The following NCAM1 variants were observed in gnomAD, a reference collection of about 807,000 sequenced individuals.
The protein encoded by NCAM1 is antigen recognized by monoclonal antibody 5.1H11.
In NCAM1, 14 loss-of-function variants were observed where a neutral mutation model predicts 109.8. That is an observed-to-expected ratio of 0.13 (90% CI 0.08 to 0.20). The LOEUF (loss-of-function observed/expected upper bound fraction) is 0.20, where lower values mean the gene tolerates loss of function less well. Ranked by LOEUF, NCAM1 falls within the 10% of genes least tolerant of loss-of-function variation. The pLI, the probability that NCAM1 is intolerant of heterozygous loss-of-function variation, is 1.00. For synonymous variants in NCAM1, 418 were observed against 442.9 expected, an observed-to-expected ratio of 0.94 and a Z score of 0.70; for missense variants, 774 against 1,109.9, an observed-to-expected ratio of 0.70 and a Z score of 4.30.
chr11:113,181,622 A>G (rs1555107969), intron 1 of NCAM1, among the ~76,000 whole-genome samples: 1 of 152,130 alleles, frequency 6.6e-6, no homozygotes, highest in African/African-American at 2.4e-5. Flanking sequence ...ACCATGGCGC[A>G]TGTTTACCTA....
intron 1 of NCAM1, among the ~76,000 whole-genome samples, chr11:113,142,261 G>A (rs1941857332): frequency 6.6e-6 from 1 of 152,090 alleles, no homozygotes; most frequent in Non-Finnish European, 1.5e-5. Context: ...GTAAATTTGG[G>A]GGCAGCTGTA....
At chr11:113,240,251 C>T (rs1555118906) in intron 14 of NCAM1, among the ~76,000 whole-genome samples, 1 of 152,208 alleles carries the variant, frequency 6.6e-6, no homozygotes, top group East Asian at 1.9e-4. Context: ...TACACTAGTA[C>T]ACATTAGGTA....
At chr11:113,182,584 C>T (rs1231865416) in intron 1 of NCAM1, among the ~76,000 whole-genome samples, 2 of 152,214 alleles carry the variant, frequency 1.3e-5, no homozygotes, top group Non-Finnish European at 2.9e-5. Context: ...GCTGCCATCT[C>T]TGTTTCACCA....
At chr11:113,009,331 T>TTG (rs1555073944) in intron 1 of NCAM1, among the ~76,000 whole-genome samples, 3,839 of 136,622 alleles carry the variant, frequency 0.028, 456 homozygotes, top group East Asian at 0.13. Flanking sequence ...TTTTTTTTTT[T>TTG]TTTTTTTTTT....
intron 1 of NCAM1, among the ~76,000 whole-genome samples, chr11:112,983,556 A>G (rs1951212222): frequency 6.6e-6 from 1 of 151,902 alleles, no homozygotes; most frequent in African/African-American, 2.4e-5. Flanking sequence ...GCTGGCATCT[A>G]ATGTGGGCTC....
At chr11:113,093,926 G>A (rs12789616) in intron 1 of NCAM1, among the ~76,000 whole-genome samples, 85,494 of 152,016 alleles carry the variant, frequency 0.56, 24,421 homozygotes, top group Admixed American at 0.6. Context: ...GGAAGCTGCA[G>A]TGTGCTGTGC....
intron 1 of NCAM1, among the ~76,000 whole-genome samples, chr11:113,148,675 A>G (rs1942111329): frequency 6.6e-6 from 1 of 152,156 alleles, no homozygotes; most frequent in African/African-American, 2.4e-5. Flanking sequence ...GCATAACTGT[A>G]TGAATGTTTT....
intron 1 of NCAM1, among the ~76,000 whole-genome samples, chr11:113,173,262 T>G (rs1458777862): frequency 6.6e-6 from 1 of 152,138 alleles, no homozygotes; most frequent in African/African-American, 2.4e-5. Flanking sequence ...CTGATTTAAT[T>G]TGAATGAAAT....
chr11:113,127,596 G>A (rs1234431301), intron 1 of NCAM1, among the ~76,000 whole-genome samples: 3 of 152,144 alleles, frequency 2.0e-5, no homozygotes, highest in Admixed American at 2.0e-4. Flanking sequence ...AATTGGTGAT[G>A]GTTAAGTAGT....
intron 1 of NCAM1, among the ~76,000 whole-genome samples, chr11:113,093,773 G>A (rs1402781340): frequency 2.6e-5 from 4 of 152,220 alleles, no homozygotes; most frequent in African/African-American, 9.6e-5. Context: ...CAAGTAAGCA[G>A]ATGGATTGGA....
intron 1 of NCAM1, among the ~76,000 whole-genome samples, chr11:113,192,724 G>T (rs1325357529): frequency 2.6e-5 from 4 of 152,202 alleles, no homozygotes; most frequent in African/African-American, 7.2e-5. Flanking sequence ...TGGGTCAAGT[G>T]TCAGGACAAC....
intron 1 of NCAM1, among the ~76,000 whole-genome samples, chr11:113,075,395 C>A (rs906287733): frequency 6.6e-6 from 1 of 152,116 alleles, no homozygotes; most frequent in Non-Finnish European, 1.5e-5. Flanking sequence ...CTGCTTCCCA[C>A]ACATTTTAGA....
chr11:113,225,185 A>G (rs1555115996), intron 9 of NCAM1, among the ~76,000 whole-genome samples: 5 of 152,202 alleles, frequency 3.3e-5, no homozygotes, highest in African/African-American at 1.2e-4. Flanking sequence ...AAAACCTTGA[A>G]AAAAGATTAG....
At chr11:113,204,736 T>G (rs1944184258) in intron 3 of NCAM1, among the ~76,000 whole-genome samples, 1 of 152,174 alleles carries the variant, frequency 6.6e-6, no homozygotes, top group African/African-American at 2.4e-5. Context: ...AATTACATAG[T>G]TCCCAGAGGG....
chr11:113,263,564 T>C, intron 17 of NCAM1: 1 of 985,682 alleles, frequency 1.0e-6, no homozygotes, highest in Non-Finnish European at 1.2e-6. Context: ...TTCTGGGATG[T>C]GCTTTCAGTC....
At chr11:113,099,525 G>A (rs1019620107) in intron 1 of NCAM1, among the ~76,000 whole-genome samples, 1 of 152,284 alleles carries the variant, frequency 6.6e-6, no homozygotes, top group East Asian at 1.9e-4. Flanking sequence ...ACAGAGGAAT[G>A]TGCGTTAACA....
intron 1 of NCAM1, among the ~76,000 whole-genome samples, chr11:113,166,327 G>T (rs935328788): frequency 1.3e-5 from 2 of 152,186 alleles, no homozygotes; most frequent in Non-Finnish European, 2.9e-5. Flanking sequence ...ATTTGCAGAT[G>T]AGGGACTCTG....
rs200455071 is a variant in NCAM1, at chr11:112,999,385, T to A, written c.52+37721T>A. On this transcript the variant is annotated intron_variant, in intron 1 of 19. Coordinates refer to ENST00000316851, the MANE Select transcript of NCAM1 (RefSeq NM_181351.5). ...TGCCACTGAAACATATCAGTAAAGTTAAAAGATGGTTCATGTTTTCTGGAA... is the reference window on the plus strand; with the variant it reads ...TGCCACTGAAACATATCAGTAAAGTAAAAAGATGGTTCATGTTTTCTGGAA... 5.9e-5 allele frequency among the ~76,000 whole-genome samples: 9 copies of A among 152,334 alleles called. No individual in the cohort carries two copies. In the East Asian group the frequency reaches 1.7e-3, roughly 29 times the overall value.
intron 1 of NCAM1, among the ~76,000 whole-genome samples, chr11:113,147,161 G>T (rs889779587): frequency 6.6e-6 from 1 of 152,188 alleles, no homozygotes; most frequent in Non-Finnish European, 1.5e-5. Flanking sequence ...CTGCAATTCG[G>T]TTTATCTGTT....
Sources: gnomAD v4.1 joint callset for allele counts (sites outside exome capture counted in the v4.1 genomes callset) on GRCh38, gnomAD v4.1.1 for gene constraint, MANE v1.5 for transcripts, NCBI Gene and HGNC (gene_info 2026-07-23, HGNC 2026-07-21) for gene names.